Variants in FAM98A observed in about 807,000 individuals in gnomAD.
FAM98A encodes protein FAM98A.
In FAM98A, 25 loss-of-function variants were observed where a neutral mutation model predicts 62.9. The observed-to-expected ratio is 0.40, with a 90% CI of 0.29 to 0.56. The LOEUF (loss-of-function observed/expected upper bound fraction) is 0.56, where lower values mean the gene tolerates loss of function less well. Among genes scored for constraint, FAM98A ranks in the 20% least tolerant of loss-of-function variants. The pLI, the probability that FAM98A is intolerant of heterozygous loss-of-function variation, is 0.51. For synonymous variants in FAM98A, 252 were observed against 228.6 expected (o/e 1.10, Z -0.92); for missense variants, 653 against 640.7 (o/e 1.02, Z -0.21).
chr2:33,592,398 C>G (rs1345266388), intron 2 of FAM98A, among the ~76,000 whole-genome samples, 184 bp from the exon 3 acceptor site: 2 of 151,730 alleles, frequency 1.3e-5, no homozygotes, highest in African/African-American at 4.8e-5. Flanking sequence ...GAGATAAGGT[C>G]TCTGAGGCCT....
At chr2:33,590,250 CCAAA>C (rs1677642523) in intron 3 of FAM98A, among the ~76,000 whole-genome samples, 3 of 152,078 alleles carry the variant, frequency 2.0e-5, no homozygotes, top group African/African-American at 4.8e-5. Flanking sequence ...CAATGAAGAG[CCAAA>C]CAGAGTCCTT....
intron 3 of FAM98A, chr2:33,589,990 T>C (rs143989852): frequency 6.6e-6 from 1 of 152,282 alleles, no homozygotes; most frequent in Non-Finnish European, 1.5e-5. Context: ...ATAGTTCAGG[T>C]ATTCACAAAA....
intron 2 of FAM98A, among the ~76,000 whole-genome samples, chr2:33,594,230 T>C (rs1192041674): frequency 6.6e-6 from 1 of 152,080 alleles, no homozygotes; most frequent in Non-Finnish European, 1.5e-5. Flanking sequence ...CTCTCCTTAA[T>C]AATTAGAACT....
intron 3 of FAM98A, chr2:33,589,913 C>A (rs1390109494): frequency 6.6e-6 from 1 of 152,096 alleles, no homozygotes; most frequent in Non-Finnish European, 1.5e-5. Context: ...AAAAGTTTGC[C>A]AACTCTTGTT....
intron 5 of FAM98A, 62 bp from the exon 6 acceptor site, chr2:33,586,740 G>A: frequency 1.9e-6 from 2 of 1,044,102 alleles, no homozygotes; most frequent in South Asian, 2.5e-5. Flanking sequence ...GTCCCAAAAG[G>A]GCAAAAACTA....
At chr2:33,589,600 C>G (rs1225195382) in intron 3 of FAM98A, 1 of 152,122 alleles carries the variant, frequency 6.6e-6, no homozygotes, top group Non-Finnish European at 1.5e-5. Flanking sequence ...AACTCCTGTT[C>G]TAAAACAATA....
intron 4 of FAM98A, chr2:33,587,521 T>C (rs911208978): frequency 8.9e-6 from 5 of 558,690 alleles, no homozygotes; most frequent in Non-Finnish European, 1.6e-5. Flanking sequence ...AAGTCCTTCA[T>C]TGCACCTAGA....
chr2:33,587,258 T>C lies in FAM98A; in HGVS notation c.585A>G (p.Pro195=). The change falls in exon 5 of 8, where the codon CCA becomes CCG. Residue 195 remains proline (P), a synonymous_variant. Coordinates refer to ENST00000238823, the MANE Select transcript of FAM98A (RefSeq NM_015475.5). ...NHVGKPLLKK[P]MGPAHWEKIE... is the part of the protein sequence containing the mutation. ...TACTCACCCAGTGGGCTGGTCCCAT[T>C]GGCTTCTTCAGTAAAGGCTTTCCCA... The C allele has an allele frequency of 6.2e-6, 10 of 1,611,994 alleles. No individual in the cohort carries two copies. The highest frequency in any genetic ancestry group is 7.6e-6 in the Non-Finnish European group (9 of 1,178,086).
In FAM98A at chr2:33,588,334, C is replaced by A; in HGVS notation, c.522+1G>T. ...CTACAATTTGGTACTAAAGGTCTTA[C>A]TTTTTTTTCAATCCCGCTGAAGAAT... On this transcript the variant is annotated splice_donor_variant, in intron 4 of 7. Transcript: ENST00000238823. LOFTEE classifies it high-confidence loss of function. 1 of 1,607,182 alleles carries A rather than the reference C, an allele frequency of 6.2e-7. No individual in the cohort carries two copies.
Position 33,584,395 on chromosome 2 carries a change from TAAA to T in FAM98A, c.*378_*380del, listed in dbSNP as rs1677485515. On this transcript the variant is annotated 3_prime_UTR_variant, in exon 8 of 8. Transcript: ENST00000238823. ...GAGGAAGGTTTCCTAGTAGTAAATCTAAAAAAGTCTAGGTGAATCCTCATTTTC... is the reference window on the plus strand; with the variant it reads ...GAGGAAGGTTTCCTAGTAGTAAATCTAAAGTCTAGGTGAATCCTCATTTTC... 1 of 191,070 alleles carries T rather than the reference TAAA, an allele frequency of 5.2e-6. No individual in the cohort carries two copies. The highest frequency in any genetic ancestry group is 1.1e-5 in the Non-Finnish European group (1 of 92,366). The allele number at this position is 191,070 out of a possible 1,614,324, so 11.8% of individuals were successfully genotyped here.
At position 33,585,082 on chromosome 2, in the gene FAM98A, G is replaced by A. The variant is rs778525492; in HGVS notation, c.1251C>T (p.Gly417=). ...GGYHGGHSSG[G]YQGGGYGGFQ... ...AGCCACCATAACCTCCGCCTTGATA[G>A]CCACCACTGCTGTGGCCACCATGAT... Residue 417 remains glycine, a synonymous_variant, in exon 8 of 8, where the codon GGC becomes GGT. Coordinates refer to ENST00000238823, the MANE Select transcript of FAM98A (RefSeq NM_015475.5). 15 of 1,614,026 alleles carry A rather than the reference G, an allele frequency of 9.3e-6. No homozygotes were observed. In the East Asian group the frequency reaches 3.3e-4, roughly 36 times the overall value.
chr2:33,595,739 AAAGAT>A (rs1677797684), intron 1 of FAM98A, 102 bp from the exon 2 acceptor site: 1 of 801,734 alleles, frequency 1.2e-6, no homozygotes, highest in Non-Finnish European at 1.9e-6. Flanking sequence ...ATAATTTAAT[AAAGAT>A]AAGTTAGTAC....
chr2:33,593,425 T>C (rs183285937), intron 2 of FAM98A, among the ~76,000 whole-genome samples: 3 of 152,214 alleles, frequency 2.0e-5, no homozygotes, highest in East Asian at 3.9e-4. Context: ...ACAAAAGGAC[T>C]GTACTTATCT....
rs1020577834 is a variant in FAM98A, at chr2:33,599,080, G to A, written c.53+89C>T. ...CAGGAGCCACGGGGTGCGGCGTGGAGAGGCAGGTGTCTCAGACTGGGGCGC... is the reference window on the plus strand; with the variant it reads ...CAGGAGCCACGGGGTGCGGCGTGGAAAGGCAGGTGTCTCAGACTGGGGCGC... On this transcript the variant is annotated intron_variant, in intron 1 of 7. Coordinates refer to ENST00000238823, the MANE Select transcript of FAM98A (RefSeq NM_015475.5). 2.8e-5 allele frequency: 30 copies of A among 1,063,668 alleles called. 1 individual carries two copies. Among genetic ancestry groups the A allele is most frequent in the Non-Finnish European group, 4.2e-5 (29 of 682,712 alleles). The allele number at this position is 1,063,668 out of a possible 1,614,324, so 65.9% of individuals were successfully genotyped here.
intron 1 of FAM98A, among the ~76,000 whole-genome samples, chr2:33,598,489 G>A (rs943271256): frequency 6.6e-6 from 1 of 152,190 alleles, no homozygotes; most frequent in African/African-American, 2.4e-5. Context: ...GAGAAGGAGA[G>A]ACACAATGCA....
intron 6 of FAM98A, 30 bp from the exon 7 acceptor site, chr2:33,585,727 T>C (rs1572415248): frequency 4.4e-6 from 7 of 1,585,914 alleles, no homozygotes; most frequent in Admixed American, 1.8e-5. Context: ...CAAAGAGAAA[T>C]GTCAATTTTC....
In FAM98A at chr2:33,595,591, A is replaced by G; in HGVS notation, c.100T>C (p.Ser34Pro). The change falls in exon 2 of 8, where the codon TCT becomes CCT. Residue 34 changes from serine to proline, a missense_variant. Physicochemically the swap from Ser to Pro is moderately conservative, Grantham distance 74. Transcript: ENST00000238823. ...AACTCGGGGGAACTGGCTCCAGCAG[A>G]GACTGCCTGAGAGAGCGCTCCATCT... is the stretch of plus-strand genomic sequence containing the variant. The part of the protein sequence containing the change: ...LEDGALSQAV[S>P]AGASSPEFTK... 6.2e-7 allele frequency: 1 copy of G among 1,602,806 alleles called. No homozygotes were observed.
At chr2:33,592,386 T>C (rs1025703536) in intron 2 of FAM98A, among the ~76,000 whole-genome samples, 172 bp from the exon 3 acceptor site, 9 of 152,166 alleles carry the variant, frequency 5.9e-5, no homozygotes, top group African/African-American at 1.2e-4. Flanking sequence ...TTTTTCTTTT[T>C]TGAGATAAGG....
At chr2:33,595,447 G>T in intron 2 of FAM98A, 42 bp downstream of exon 2, 1 of 1,535,234 alleles carries the variant, frequency 6.5e-7, no homozygotes, top group Non-Finnish European at 8.8e-7. Context: ...ATACCTCAAT[G>T]TTATTTTTAT....
Sources: allele counts gnomAD v4.1 joint callset (sites outside exome capture counted in the v4.1 genomes callset), GRCh38; gene constraint gnomAD v4.1.1; transcripts MANE v1.5; gene names NCBI Gene and HGNC (gene_info 2026-07-23, HGNC 2026-07-21).